CLVS1: variants seen among roughly 807,000 people sequenced by gnomAD.
CLVS1 encodes clavesin 1, also known as clavesin-1.
Under a neutral mutation model 33.1 loss-of-function variants are expected in CLVS1, and 10 were observed. The ratio of observed to expected loss-of-function variants is 0.30; its 90% CI spans 0.19 to 0.51. The LOEUF (loss-of-function observed/expected upper bound fraction) is 0.51. Among genes scored for constraint, CLVS1 ranks in the 20% least tolerant of loss-of-function variants. The probability of loss-of-function intolerance (pLI) is 0.97; values close to 1 mark genes in which losing one functional copy is unlikely to be tolerated. For missense variants in CLVS1, 343 were observed against 433.4 expected, an observed-to-expected ratio of 0.79 and a Z score of 1.85; for synonymous variants, 163 against 166.1, an observed-to-expected ratio of 0.98 and a Z score of 0.14.
chr8:61,454,953 C>T (rs1199268720), intron 4 of CLVS1, among the ~76,000 whole-genome samples: 1 of 152,178 alleles, frequency 6.6e-6, no homozygotes, highest in Non-Finnish European at 1.5e-5. Context: ...CTAATGAAAA[C>T]ATGTATCATG....
intron 2 of CLVS1, among the ~76,000 whole-genome samples, chr8:61,187,069 T>C (rs1807357166): frequency 6.6e-6 from 1 of 152,278 alleles, no homozygotes; most frequent in South Asian, 2.1e-4. Context: ...AAGCCTAAAG[T>C]ATAAAACTGA....
At chr8:61,019,390 T>C in the CLVS1 span, among the ~76,000 whole-genome samples, 5 of 152,218 alleles carry the variant, frequency 3.3e-5, no homozygotes, top group Non-Finnish European at 7.3e-5. Flanking sequence ...TGTCAGCCAC[T>C]TGTGAGAATC....
At chr8:61,357,707 A>ATGTTGGCCAAGCTGGTCTTCAACTC (rs1274935367) in intron 2 of CLVS1, among the ~76,000 whole-genome samples, 4 of 151,186 alleles carry the variant, frequency 2.6e-5, no homozygotes, top group African/African-American at 4.9e-5. Context: ...GGGTTTCAGC[A>ATGTTGGCCAAGCTGGTCTTCAACTC]TGTTGGCCAA....
rs571918646 is a variant in CLVS1 at position 61,255,305 on chromosome 8, T to C, written c.-151-44372T>C. ...AATGCTAAAGCAGACACTAAACATC[T>C]GATCTTTTGAGAGAATTCTGGTACC... On this transcript the variant is annotated intron_variant, in intron 2 of 2. Coordinates refer to the CLVS1 transcript ENST00000522621. Among the ~76,000 whole-genome samples the C allele has an allele frequency of 4.9e-4, 74 of 152,322 alleles. 1 individual carries two copies. The South Asian group carries it at 6.2e-3, about 13-fold the overall frequency.
At chr8:61,304,586 T>C (rs956728675) in intron 2 of CLVS1, among the ~76,000 whole-genome samples, 6 of 152,352 alleles carry the variant, frequency 3.9e-5, no homozygotes, top group Non-Finnish European at 8.8e-5. Flanking sequence ...TGCTGGTCGA[T>C]GAGCCCTCTG....
chr8:61,469,558 A>G (rs530776062), intron 5 of CLVS1, among the ~76,000 whole-genome samples: 1 of 152,338 alleles, frequency 6.6e-6, no homozygotes, highest in Admixed American at 6.5e-5. Context: ...TCAGCTGTCA[A>G]TAGAATTAGC....
chr8:60,967,476 C>A, the CLVS1 span: 1 of 341,634 alleles, frequency 2.9e-6, no homozygotes, highest in South Asian at 2.2e-5. Flanking sequence ...AGACATAAAT[C>A]GTGAAGCTAC....
At chr8:61,299,451 C>A (rs1268090475) in intron 1 of CLVS1, among the ~76,000 whole-genome samples, 6 of 152,150 alleles carry the variant, frequency 3.9e-5, no homozygotes, top group Non-Finnish European at 7.3e-5. Context: ...CTGAAACGTT[C>A]CCAAACATAT....
the CLVS1 span, among the ~76,000 whole-genome samples, chr8:61,013,594 A>G: frequency 1.3e-5 from 2 of 152,346 alleles, no homozygotes; most frequent in Middle Eastern, 3.4e-3. Flanking sequence ...AAGAAATAAA[A>G]GATCATACAT....
chr8:61,131,511 C>T (rs1277493377), intron 1 of CLVS1, among the ~76,000 whole-genome samples: 1 of 152,068 alleles, frequency 6.6e-6, no homozygotes, highest in Non-Finnish European at 1.5e-5. Flanking sequence ...AAGGACGGGC[C>T]TTTGGCTGGA....
chr8:61,195,359 C>A (rs977548615), intron 2 of CLVS1, among the ~76,000 whole-genome samples: 2 of 151,738 alleles, frequency 1.3e-5, no homozygotes, highest in African/African-American at 4.8e-5. Context: ...TGAATCACTG[C>A]AGAATTACAT....
intron 5 of CLVS1, among the ~76,000 whole-genome samples, chr8:61,497,925 G>C (rs570833280): frequency 9.5e-4 from 145 of 152,198 alleles, no homozygotes; most frequent in African/African-American, 3.2e-3. Context: ...GCTGGTGGGA[G>C]TGTAGCAGTG....
chr8:61,306,101 G>A (rs1464878675), intron 2 of CLVS1, among the ~76,000 whole-genome samples: 2 of 152,144 alleles, frequency 1.3e-5, no homozygotes, highest in African/African-American at 2.4e-5. Flanking sequence ...TCAGGTCTTT[G>A]AGGAACTGTG....
At chr8:61,307,687 A>T (rs1810678893) in intron 2 of CLVS1, among the ~76,000 whole-genome samples, 1 of 152,028 alleles carries the variant, frequency 6.6e-6, no homozygotes, top group African/African-American at 2.4e-5. Context: ...TTATTGCTAG[A>T]TTTTTTTTAT....
chr8:61,256,467 C>T (rs549162168), intron 2 of CLVS1, among the ~76,000 whole-genome samples: 25 of 152,226 alleles, frequency 1.6e-4, no homozygotes, highest in East Asian at 3.9e-4. Flanking sequence ...GAGCCGAGAT[C>T]GTGCCACTGC....
chr8:61,295,700 G>A (rs968488479), intron 1 of CLVS1, among the ~76,000 whole-genome samples: 1 of 152,072 alleles, frequency 6.6e-6, no homozygotes, highest in African/African-American at 2.4e-5. Context: ...AAGAGCATGG[G>A]TTCAGAGAAA....
intron 3 of CLVS1, among the ~76,000 whole-genome samples, chr8:61,435,243 G>A (rs1816284226): frequency 6.6e-6 from 1 of 152,166 alleles, no homozygotes. Flanking sequence ...CCCAGGCCCT[G>A]AAAGGGAAAA....
chr8:61,172,453 G>A (rs887988136), intron 2 of CLVS1, among the ~76,000 whole-genome samples: 1 of 151,916 alleles, frequency 6.6e-6, no homozygotes, highest in African/African-American at 2.4e-5. Flanking sequence ...CTCTTTGCAA[G>A]GAGCAACAAT....
chr8:61,043,665 C>T, the CLVS1 span, among the ~76,000 whole-genome samples: 1 of 152,146 alleles, frequency 6.6e-6, no homozygotes, highest in Non-Finnish European at 1.5e-5. Context: ...ATGATCTAGT[C>T]CCAGGTATAT....
Sources: allele counts gnomAD v4.1 joint callset (sites outside exome capture counted in the v4.1 genomes callset), GRCh38; gene constraint gnomAD v4.1.1; transcripts MANE v1.5; gene names NCBI Gene and HGNC (gene_info 2026-07-23, HGNC 2026-07-21).